LRRIQ1: variants seen among roughly 807,000 people sequenced by gnomAD.
The protein encoded by LRRIQ1 is leucine-rich repeat- and IQ domain-containing protein 1.
A neutral mutation model predicts 211.9 loss-of-function variants in LRRIQ1; 210 were observed. The ratio of observed to expected loss-of-function variants is 0.99; its 90% confidence interval spans 0.89 to 1.11. The LOEUF (loss-of-function observed/expected upper bound fraction) is 1.11. LRRIQ1 is among the 50% of genes most tolerant of loss of function. The pLI is 0.00. For synonymous variants in LRRIQ1, 699 were observed against 650.1 expected, an observed-to-expected ratio of 1.08 and a Z score of -1.14; for missense variants, 2,136 against 1,939.5, an observed-to-expected ratio of 1.10 and a Z score of -1.90.
At chr12:85,161,411 A>T (rs1469368654) in intron 24 of LRRIQ1, among the ~76,000 whole-genome samples, 1 of 152,000 alleles carries the variant, frequency 6.6e-6, no homozygotes, top group Non-Finnish European at 1.5e-5. Flanking sequence ...TTAGTATAAA[A>T]TTTTTATTTA....
At chr12:85,074,358 G>A (rs1458120304) in intron 11 of LRRIQ1, among the ~76,000 whole-genome samples, 1 of 151,872 alleles carries the variant, frequency 6.6e-6, no homozygotes, top group East Asian at 1.9e-4. Flanking sequence ...ATAATGTGAT[G>A]TTTTGACATA....
At chr12:85,065,804 A>G (rs1882367401) in intron 9 of LRRIQ1, among the ~76,000 whole-genome samples, 1 of 151,850 alleles carries the variant, frequency 6.6e-6, no homozygotes, top group African/African-American at 2.4e-5. Context: ...ATGTAACTGC[A>G]GTGAGATGGA....
intron 11 of LRRIQ1, among the ~76,000 whole-genome samples, chr12:85,093,730 T>C (rs376144807): frequency 4.6e-5 from 7 of 152,356 alleles, no homozygotes; most frequent in Admixed American, 2.6e-4. Context: ...ATAAAGTGAC[T>C]GCATTCAAAG....
intron 24 of LRRIQ1, among the ~76,000 whole-genome samples, chr12:85,215,415 G>A (rs548961467): frequency 1.6e-4 from 25 of 152,222 alleles, no homozygotes; most frequent in African/African-American, 5.5e-4. Flanking sequence ...GACTTGTGTC[G>A]TGGGGGTTTG....
intron 16 of LRRIQ1, 58 bp from the exon 17 acceptor site, chr12:85,124,012 A>G (rs1270933880): frequency 2.2e-6 from 3 of 1,336,158 alleles, no homozygotes; most frequent in Middle Eastern, 2.6e-4. Flanking sequence ...AACTTGCACA[A>G]GTTTTAATAT....
intron 17 of LRRIQ1, 28 bp from the exon 18 acceptor site, chr12:85,127,802 AGT>A (rs1888470947): frequency 3.2e-6 from 5 of 1,585,796 alleles, no homozygotes; most frequent in East Asian, 2.2e-5. Flanking sequence ...TAATAAAAAA[AGT>A]GTGTGTTTTT....
downstream of LRRIQ1, chr12:85,264,573 A>G (rs968467116): frequency 3.3e-5 from 5 of 152,214 alleles, no homozygotes; most frequent in South Asian, 6.2e-4. Context: ...GCACTACTTA[A>G]TTCATGTTGA....
chr12:85,072,867 C>T (rs745399793), intron 10 of LRRIQ1, 40 bp from the exon 11 acceptor site: 22 of 1,398,720 alleles, frequency 1.6e-5, no homozygotes, highest in Admixed American at 5.1e-5. Flanking sequence ...TTTATTAATT[C>T]GTCTTATATA....
chr12:85,110,173 A>G (rs1049710089), intron 15 of LRRIQ1, among the ~76,000 whole-genome samples: 1 of 151,974 alleles, frequency 6.6e-6, no homozygotes, highest in Non-Finnish European at 1.5e-5. Flanking sequence ...TATTTTATGA[A>G]CTCCTCCTGT....
chr12:85,126,442 C>T (rs1045165207), intron 17 of LRRIQ1, among the ~76,000 whole-genome samples: 13 of 152,046 alleles, frequency 8.6e-5, no homozygotes, highest in African/African-American at 3.1e-4. Flanking sequence ...CCCAAAGTGC[C>T]TATTAAAGGT....
chr12:85,170,139 C>A (rs1303457432), intron 24 of LRRIQ1, among the ~76,000 whole-genome samples: 1 of 151,842 alleles, frequency 6.6e-6, no homozygotes, highest in Non-Finnish European at 1.5e-5. Context: ...CTGAGAGCAA[C>A]CTATTCAACT....
chr12:85,047,134 T>G, intron 5 of LRRIQ1, 113 bp from the exon 6 acceptor site: 1 of 724,546 alleles, frequency 1.4e-6, no homozygotes, highest in Non-Finnish European at 2.2e-6. Flanking sequence ...ACATGTACCC[T>G]AGAACTTAAA....
chr12:85,165,511 C>T (rs1891112686), intron 24 of LRRIQ1, among the ~76,000 whole-genome samples: 1 of 130,236 alleles, frequency 7.7e-6, no homozygotes, highest in African/African-American at 2.9e-5. Context: ...CTTGCTCTGT[C>T]ACCCAGGCTC....
intron 24 of LRRIQ1, among the ~76,000 whole-genome samples, chr12:85,204,271 A>G (rs117510478): frequency 0.011 from 1,697 of 152,290 alleles, 15 homozygotes; most frequent in South Asian, 0.016. Flanking sequence ...TGCCCAGGCA[A>G]AAGTTTGCTA....
At chr12:85,210,970 C>G (rs1893809931) in intron 24 of LRRIQ1, among the ~76,000 whole-genome samples, 1 of 152,180 alleles carries the variant, frequency 6.6e-6, no homozygotes, top group African/African-American at 2.4e-5. Context: ...CACAAACCAA[C>G]CATGTGCATG....
At position 85,261,999 on chromosome 12, in the gene LRRIQ1, A is replaced by G. The variant is rs558020515; in HGVS notation, c.122-916A>G. Among the ~76,000 whole-genome samples the G allele has an allele frequency of 2.6e-5, 4 of 152,140 alleles. No homozygotes were observed. The South Asian group carries it at 8.3e-4, about 32-fold the overall frequency. On this transcript the variant is annotated intron_variant, in intron 1 of 1. Coordinates refer to the LRRIQ1 transcript ENST00000602731. ...GAGACAGGGTTTCGCCATGTTGGTC[A>G]GGCTGGTCTCGAACTCCTGACCTCA...
intron 24 of LRRIQ1, among the ~76,000 whole-genome samples, chr12:85,208,270 T>C (rs1893663114): frequency 6.6e-6 from 1 of 151,564 alleles, no homozygotes; most frequent in Non-Finnish European, 1.5e-5. Flanking sequence ...AAAACAAACA[T>C]ATAGGTATAG....
intron 9 of LRRIQ1, among the ~76,000 whole-genome samples, chr12:85,065,926 T>C (rs1297763426): frequency 6.6e-6 from 1 of 151,856 alleles, no homozygotes; most frequent in Non-Finnish European, 1.5e-5. Context: ...CCAGGGTGCT[T>C]ATAGGGTATT....
At chr12:85,103,433 A>G (rs1022169432) in intron 13 of LRRIQ1, among the ~76,000 whole-genome samples, 2 of 151,714 alleles carry the variant, frequency 1.3e-5, no homozygotes, top group African/African-American at 4.8e-5. Flanking sequence ...AGCCCAGTTT[A>G]ATTTTGAATA....
Sources: gnomAD v4.1 joint callset for allele counts (sites outside exome capture counted in the v4.1 genomes callset) on GRCh38, gnomAD v4.1.1 for gene constraint, MANE v1.5 for transcripts, NCBI Gene and HGNC (gene_info 2026-07-23, HGNC 2026-07-21) for gene names.